NSD1: variants seen among roughly 807,000 people sequenced by gnomAD.
The protein encoded by NSD1 is histone-lysine N-methyltransferase, H3 lysine-36 specific.
A neutral mutation model predicts 242.7 loss-of-function variants in NSD1; 26 were observed. That is an observed-to-expected ratio of 0.11 (90% CI 0.08 to 0.15). The LOEUF is 0.15. NSD1 is among the 10% of genes least tolerant of loss of function. NSD1 has a pLI of 1.00. For missense variants in NSD1, 2,495 were observed against 3,272.8 expected, an observed-to-expected ratio of 0.76 and a Z score of 5.80; for synonymous variants, 1,106 against 1,178.1, an observed-to-expected ratio of 0.94 and a Z score of 1.25.
chr5:177,174,358 G>T (rs1759997239), intron 2 of NSD1, among the ~76,000 whole-genome samples: 2 of 152,012 alleles, frequency 1.3e-5, no homozygotes, highest in Admixed American at 6.6e-5. Context: ...GATTACAGGC[G>T]CACGCCACCT....
intron 12 of NSD1, among the ~76,000 whole-genome samples, chr5:177,252,766 G>A (rs893352511): frequency 2.7e-5 from 4 of 149,608 alleles, no homozygotes; most frequent in Admixed American, 6.7e-5. Flanking sequence ...TGTTGCCCAG[G>A]CTGGAAAGTG....
At chr5:177,158,393 C>T (rs903057412) in intron 2 of NSD1, among the ~76,000 whole-genome samples, 22 of 151,270 alleles carry the variant, frequency 1.5e-4, no homozygotes, top group African/African-American at 5.1e-4. Flanking sequence ...GGCTGGAGTG[C>T]AGTGGCATGG....
chr5:177,259,251 T>G (rs1228234218), intron 13 of NSD1, among the ~76,000 whole-genome samples: 1 of 152,252 alleles, frequency 6.6e-6, no homozygotes, highest in African/African-American at 2.4e-5. Context: ...TTAATCAGAC[T>G]GTCAGTACCT....
At chr5:177,177,737 A>G (rs1226111056) in intron 2 of NSD1, among the ~76,000 whole-genome samples, 1 of 152,080 alleles carries the variant, frequency 6.6e-6, no homozygotes, top group African/African-American at 2.4e-5. Flanking sequence ...CTTTGTGCCA[A>G]CCAGTGCCCA....
intron 5 of NSD1, among the ~76,000 whole-genome samples, chr5:177,224,977 C>CAA (rs1227184007): frequency 6.6e-6 from 1 of 151,724 alleles, no homozygotes; most frequent in Non-Finnish European, 1.5e-5. Flanking sequence ...TAATTTGAAC[C>CAA]AACTTTGAAG....
chr5:177,188,924 T>TTCA (rs1761455788), intron 2 of NSD1, among the ~76,000 whole-genome samples: 1 of 152,206 alleles, frequency 6.6e-6, no homozygotes, highest in East Asian at 1.9e-4. Context: ...TCCAGGCATG[T>TTCA]TGGTGAGCAT....
At chr5:177,243,301 C>T (rs528017446) in intron 8 of NSD1, among the ~76,000 whole-genome samples, 1 of 152,286 alleles carries the variant, frequency 6.6e-6, no homozygotes, top group African/African-American at 2.4e-5. Flanking sequence ...TCTCCTGCTT[C>T]AGCCTCCCGA....
Position 177,257,181 on chromosome 5 carries a change from T to C in NSD1, c.4966+30T>C, listed in dbSNP as rs75429143. Reference sequence around the variant, plus strand: ...GGATTTCTTATGTGGACCAGTCTAATTGTAAAACCTCAGTTTAATTGGCAA... The same window carrying C: ...GGATTTCTTATGTGGACCAGTCTAACTGTAAAACCTCAGTTTAATTGGCAA... On this transcript the variant is annotated intron_variant, in intron 13 of 22. Transcript: ENST00000439151. 2.4e-4 allele frequency: 370 copies of C among 1,566,558 alleles called. No homozygotes were observed. The East Asian group carries it at 7.9e-3, about 33-fold the overall frequency.
intron 6 of NSD1, 69 bp downstream of exon 6, chr5:177,236,014 A>G: frequency 2.0e-6 from 3 of 1,518,712 alleles, no homozygotes; most frequent in Non-Finnish European, 2.7e-6. Flanking sequence ...TCAATGTCAT[A>G]CTTTATCTTC....
At chr5:177,254,688 G>A (rs1756283310) in intron 12 of NSD1, among the ~76,000 whole-genome samples, 1 of 152,114 alleles carries the variant, frequency 6.6e-6, no homozygotes, top group Non-Finnish European at 1.5e-5. Context: ...GATTACAGGT[G>A]TGAGTCACCA....
At chr5:177,182,146 C>G (rs550124635) in intron 2 of NSD1, among the ~76,000 whole-genome samples, 1 of 137,854 alleles carries the variant, frequency 7.3e-6, no homozygotes, top group African/African-American at 3.0e-5. Context: ...AGTGAGACTC[C>G]GTCTCAAAAA....
In NSD1 at chr5:177,295,388, G is replaced by C. The variant is rs1183793942; in HGVS notation, c.8020G>C (p.Glu2674Gln). ...TGGAAGAGGGCAAGACCCCAAACCA[G>C]AGCAAAATACACTTCCAGCTCTTAA... ...SLGRGQDPKP[E>Q]QNTLPALNQA... Residue 2674 changes from glutamate to glutamine, a missense_variant, in exon 23 of 23, where the codon GAG becomes CAG. Physicochemically the swap from Glu to Gln is conservative, Grantham distance 29. This residue lies in a region of NSD1 where 475 missense variants were observed against 563.7 expected (regional missense o/e 0.84). Coordinates refer to ENST00000439151, the MANE Select transcript of NSD1 (RefSeq NM_022455.5). This position sits in a 1 kb window ranked among gnomAD's most constrained non-coding sequence, Gnocchi z 4.3. 6.2e-7 allele frequency: 1 copy of C among 1,614,058 alleles called. No homozygotes were observed. The highest frequency in any genetic ancestry group is 8.5e-7 in the Non-Finnish European group (1 of 1,180,032).
intron 2 of NSD1, among the ~76,000 whole-genome samples, chr5:177,146,636 CTT>C (rs1757269260): frequency 6.6e-6 from 1 of 152,102 alleles, no homozygotes; most frequent in Non-Finnish European, 1.5e-5. Flanking sequence ...TACTGGTAGT[CTT>C]TCATTGTGTG....
chr5:177,249,792 T>A (rs1278613426), intron 11 of NSD1, among the ~76,000 whole-genome samples: 1 of 152,212 alleles, frequency 6.6e-6, no homozygotes, highest in Non-Finnish European at 1.5e-5. Context: ...CGGCCAGTTC[T>A]TCTTTTTTAA....
intron 15 of NSD1, among the ~76,000 whole-genome samples, chr5:177,268,469 TATA>T (rs762631007): frequency 3.3e-5 from 5 of 151,820 alleles, no homozygotes; most frequent in African/African-American, 4.8e-5. Flanking sequence ...AAACTTAAAG[TATA>T]ATAATAATAA....
At chr5:177,215,154 C>G (rs1255572783) in intron 5 of NSD1, among the ~76,000 whole-genome samples, 5 of 151,658 alleles carry the variant, frequency 3.3e-5, no homozygotes, top group Admixed American at 2.6e-4. Context: ...CATGGATATG[C>G]AGATATCTCT....
At chr5:177,186,079 A>AAT (rs1761196441) in intron 2 of NSD1, among the ~76,000 whole-genome samples, 1 of 114,628 alleles carries the variant, frequency 8.7e-6, no homozygotes. Context: ...TGTTATATAT[A>AAT]ATATATTATA....
intron 2 of NSD1, among the ~76,000 whole-genome samples, chr5:177,161,948 G>A (rs1019722476): frequency 3.3e-5 from 5 of 151,950 alleles, no homozygotes; most frequent in African/African-American, 1.2e-4. Flanking sequence ...ACTGTTCTAG[G>A]CACTTGTTTC....
intron 2 of NSD1, among the ~76,000 whole-genome samples, chr5:177,166,630 A>G (rs1581183172): frequency 6.6e-6 from 1 of 151,806 alleles, no homozygotes; most frequent in African/African-American, 2.4e-5. Context: ...TTGTTGTTCA[A>G]TCTATGAATC....
Sources: gnomAD v4.1 joint callset for allele counts (sites outside exome capture counted in the v4.1 genomes callset) on GRCh38, gnomAD v4.1.1 for gene constraint, gnomAD v4.1.1 regional missense constraint, Gnocchi (gnomAD v3.1) non-coding constraint, MANE v1.5 for transcripts, NCBI Gene and HGNC (gene_info 2026-07-23, HGNC 2026-07-21) for gene names.